The following ALDH5A1 variants were observed in gnomAD, a reference collection of about 807,000 sequenced individuals.
ALDH5A1 encodes the protein aldehyde dehydrogenase 5 family member A1, also known as succinate-semialdehyde dehydrogenase, mitochondrial.
A neutral mutation model predicts 54.7 loss-of-function variants in ALDH5A1; 33 were observed. The observed-to-expected ratio is 0.60, with a 90% CI of 0.46 to 0.81. ALDH5A1 has a LOEUF of 0.81. Among genes scored for constraint, ALDH5A1 ranks in the 30% least tolerant of loss-of-function variants. The pLI is 0.00. For synonymous variants in ALDH5A1, 294 were observed against 292.7 expected (o/e 1.00, Z -0.05); for missense variants, 657 against 711.0 (o/e 0.92, Z 0.86).
At position 24,536,612 on chromosome 6, in the gene ALDH5A1, T is replaced by C. The variant is rs1383113266; in HGVS notation, c.*2900T>C. On this transcript the variant is annotated 3_prime_UTR_variant, in exon 10 of 10. Transcript: ENST00000357578. ...ACCTCCTGTGAAGAAAGTACTTTTC[T>C]GGCATAGCTACCGTGAGTTCTCAGC... is the stretch of plus-strand genomic sequence containing the variant. 1.3e-5 allele frequency: 2 copies of C among 152,252 alleles called. No homozygotes were observed. Among genetic ancestry groups the C allele is most frequent in the African/African-American group, 4.8e-5 (2 of 41,470 alleles). The allele number at this position is 152,252 out of a possible 1,614,324, so 9.4% of individuals were successfully genotyped here. A position where few individuals can be genotyped will look rare whatever the true frequency, so the allele number is the denominator to read the frequency against.
chr6:24,533,106 T>C (rs1420456921), intron 9 of ALDH5A1, among the ~76,000 whole-genome samples: 1 of 152,152 alleles, frequency 6.6e-6, no homozygotes, highest in Non-Finnish European at 1.5e-5. Flanking sequence ...ATTGGAGTAA[T>C]GGAAGATGAA....
At chr6:24,521,488 A>T (rs1349433573) in intron 6 of ALDH5A1, among the ~76,000 whole-genome samples, 1 of 152,202 alleles carries the variant, frequency 6.6e-6, no homozygotes, top group Non-Finnish European at 1.5e-5. Flanking sequence ...AGTACCATCA[A>T]TATGTAATTT....
At chr6:24,515,120 T>TTTTTTTTTTG in intron 4 of ALDH5A1, 47 bp from the exon 5 acceptor site, 1 of 1,531,010 alleles carries the variant, frequency 6.5e-7, no homozygotes, top group South Asian at 1.2e-5. Context: ...TTTTTTTTTT[T>TTTTTTTTTTG]TCAGTTTGGT....
At chr6:24,527,861 G>A in intron 7 of ALDH5A1, 136 bp from the exon 8 acceptor site, 1 of 949,754 alleles carries the variant, frequency 1.1e-6, no homozygotes, top group East Asian at 2.7e-5. Context: ...TCTACAAAAG[G>A]AAACCAGCAT....
chr6:24,503,937 T>A (rs2086744196), intron 3 of ALDH5A1, among the ~76,000 whole-genome samples: 1 of 152,202 alleles, frequency 6.6e-6, no homozygotes, highest in Admixed American at 6.5e-5. Context: ...TCTGCCTGGA[T>A]GGGGCTGCAG....
intron 7 of ALDH5A1, among the ~76,000 whole-genome samples, chr6:24,526,939 C>CCA (rs1685363862): frequency 1.1e-5 from 1 of 87,960 alleles, no homozygotes; most frequent in African/African-American, 5.4e-5. Flanking sequence ...ACTATATATT[C>CCA]TATATATATA....
chr6:24,531,030 T>C (rs1402525325), intron 8 of ALDH5A1, among the ~76,000 whole-genome samples: 1 of 152,244 alleles, frequency 6.6e-6, no homozygotes, highest in African/African-American at 2.4e-5. Context: ...TGGTGCTAGT[T>C]TCCGATTGAG....
At chr6:24,531,442 C>T (rs774445934) in intron 8 of ALDH5A1, among the ~76,000 whole-genome samples, 6 of 152,188 alleles carry the variant, frequency 3.9e-5, no homozygotes, top group Non-Finnish European at 7.3e-5. Flanking sequence ...GGAGCTGGCT[C>T]TACCCAGTCC....
At position 24,504,958 on chromosome 6, in the gene ALDH5A1, G is replaced by A. The variant is rs754544131; in HGVS notation, c.699G>A (p.Thr233=). 13 of 1,614,034 alleles carry A rather than the reference G, an allele frequency of 8.1e-6. No individual in the cohort carries two copies. Among genetic ancestry groups the A allele is most frequent in the Middle Eastern group, 1.6e-4 (1 of 6,084 alleles). Reference sequence around the variant, plus strand: ...TCGTGGTGAAGCCTGCCGAAGACACGCCCTTCTCCGCCCTGGCCCTGGCTG... The same window carrying A: ...TCGTGGTGAAGCCTGCCGAAGACACACCCTTCTCCGCCCTGGCCCTGGCTG... The part of the protein sequence containing the change: ...CTVVVKPAED[T]PFSALALAEL... Residue 233 remains threonine, a synonymous_variant, in exon 4 of 10, where the codon ACG becomes ACA. Transcript: ENST00000357578.
Sources: allele counts gnomAD v4.1 joint callset (sites outside exome capture counted in the v4.1 genomes callset), GRCh38; gene constraint gnomAD v4.1.1; transcripts MANE v1.5; gene names NCBI Gene and HGNC (gene_info 2026-07-23, HGNC 2026-07-21).